Variants in RB1 observed in about 807,000 individuals in gnomAD.
The protein encoded by RB1 is retinoblastoma-associated protein.
Under a neutral mutation model 135.4 loss-of-function variants are expected in RB1, and 18 were observed. The ratio of observed to expected loss-of-function variants is 0.13; its 90% CI spans 0.09 to 0.20. The LOEUF (loss-of-function observed/expected upper bound fraction) is 0.20, where lower values mean the gene tolerates loss of function less well. Ranked by LOEUF, RB1 falls within the 10% of genes least tolerant of loss-of-function variation. RB1 has a pLI of 1.00. For synonymous variants in RB1, 365 were observed against 373.2 expected (o/e 0.98, Z 0.25); for missense variants, 868 against 1,110.0 (o/e 0.78, Z 3.10).
At chr13:48,362,777 A>G in intron 7 of RB1, 38 bp from the exon 8 acceptor site, 1 of 1,584,506 alleles carries the variant, frequency 6.3e-7, no homozygotes. Flanking sequence ...TATATGATGG[A>G]TGTACAATTG....
At chr13:48,311,778 T>C (rs1445512330) in intron 2 of RB1, among the ~76,000 whole-genome samples, 7 of 152,252 alleles carry the variant, frequency 4.6e-5, no homozygotes, top group Non-Finnish European at 8.8e-5. Context: ...CGATCTCGGC[T>C]CACTGCAACC....
In RB1 at chr13:48,319,270, G is replaced by A; in HGVS notation, c.264+11864G>A. On this transcript the variant is annotated intron_variant, in intron 2 of 26. Coordinates refer to ENST00000267163, the MANE Select transcript of RB1 (RefSeq NM_000321.3). The surrounding 1 kb of genome is among the most constrained non-coding windows in gnomAD (Gnocchi z 5.0). Reference sequence around the variant, plus strand: ...AAGGCACTTTTTTGTGGCGCTGCTTGTGCTGTGTGCGGGGTCAGGCGTCCT... The same window carrying A: ...AAGGCACTTTTTTGTGGCGCTGCTTATGCTGTGTGCGGGGTCAGGCGTCCT... 1 of 808,486 alleles carries A rather than the reference G, an allele frequency of 1.2e-6. No homozygotes were observed. The highest frequency in any genetic ancestry group is 2.5e-5 in the Admixed American group (1 of 40,108). 50.1% of individuals were successfully genotyped at this position (808,486 alleles called of 1,614,324 possible).
chr13:48,371,028 C>G (rs1952752724), intron 11 of RB1, among the ~76,000 whole-genome samples: 1 of 152,174 alleles, frequency 6.6e-6, no homozygotes, highest in Non-Finnish European at 1.5e-5. Flanking sequence ...CAATATCACA[C>G]AACACAATGT....
rs533802772 is a variant in RB1 at position 48,333,024 on chromosome 13, G to A, written c.265-9575G>A. 5 of 398,352 alleles carry A rather than the reference G, an allele frequency of 1.3e-5. No individual in the cohort carries two copies. The South Asian group carries it at 3.8e-4, about 30-fold the overall frequency. 24.7% of individuals were successfully genotyped at this position (398,352 alleles called of 1,614,324 possible). On this transcript the variant is annotated intron_variant, in intron 2 of 26. Transcript: ENST00000267163. ...CTGTTTCTCTCAAAATAGGTACTCCGCTCACCTGTTTTCAAACCATGGTTG... is the reference window on the plus strand; with the variant it reads ...CTGTTTCTCTCAAAATAGGTACTCCACTCACCTGTTTTCAAACCATGGTTG...
chr13:48,437,665 C>G (rs1036816646), intron 17 of RB1, among the ~76,000 whole-genome samples: 28 of 152,148 alleles, frequency 1.8e-4, no homozygotes, highest in Admixed American at 3.9e-4. Context: ...TGAGCCTCTC[C>G]GTAGGGCTAC....
At chr13:48,330,703 T>C (rs1449750846) in intron 2 of RB1, among the ~76,000 whole-genome samples, 1 of 152,226 alleles carries the variant, frequency 6.6e-6, no homozygotes, top group African/African-American at 2.4e-5. Context: ...ACCTGATGGC[T>C]TCACTGGTGA....
chr13:48,337,378 A>G (rs1952394932), intron 2 of RB1, among the ~76,000 whole-genome samples: 1 of 152,282 alleles, frequency 6.6e-6, no homozygotes, highest in East Asian at 1.9e-4. Context: ...TTGGGTGCAT[A>G]TATATTTAGG....
intron 6 of RB1, among the ~76,000 whole-genome samples, chr13:48,354,906 C>T (rs560451999): frequency 6.6e-6 from 1 of 152,120 alleles, no homozygotes; most frequent in South Asian, 2.1e-4. Context: ...TCACCATATA[C>T]AAAAATCAAA....
intron 17 of RB1, among the ~76,000 whole-genome samples, chr13:48,395,982 T>C (rs1359544461): frequency 6.6e-6 from 1 of 152,076 alleles, no homozygotes; most frequent in African/African-American, 2.4e-5. Flanking sequence ...CAGCCACTGC[T>C]CAAGGAAATA....
At chr13:48,313,065 T>C (rs1427081490) in intron 2 of RB1, among the ~76,000 whole-genome samples, 2 of 152,148 alleles carry the variant, frequency 1.3e-5, no homozygotes, top group Non-Finnish European at 2.9e-5. Context: ...ATTTTTTATT[T>C]CCATTGTTGG....
intron 6 of RB1, among the ~76,000 whole-genome samples, chr13:48,359,426 C>A (rs146184194): frequency 7.4e-5 from 11 of 148,896 alleles, no homozygotes; most frequent in Non-Finnish European, 1.3e-4. Context: ...GGAATAAAAT[C>A]ATAATTTTAT....
chr13:48,319,234 G>T lies in RB1; in HGVS notation c.264+11828G>T. 2 of 803,840 alleles carry T rather than the reference G, an allele frequency of 2.5e-6. No individual in the cohort carries two copies. Among genetic ancestry groups the T allele is most frequent in the Non-Finnish European group, 1.9e-6 (1 of 534,732 alleles). The allele number at this position is 803,840 out of a possible 1,614,324, so 49.8% of individuals were successfully genotyped here. A position where few individuals can be genotyped will look rare whatever the true frequency, so the allele number is the denominator to read the frequency against. ...TTCCTCTAGCTGGGTGTTTTCCTGT[G>T]GGTCTCGCGCAAGGCACTTTTTTGT... On this transcript the variant is annotated intron_variant, in intron 2 of 26. Coordinates refer to ENST00000267163, the MANE Select transcript of RB1 (RefSeq NM_000321.3). This position sits in a 1 kb window ranked among gnomAD's most constrained non-coding sequence, Gnocchi z 5.0.
At position 48,390,499 on chromosome 13, in the gene RB1, G is replaced by T. The variant is rs148999010; in HGVS notation, c.1695+9056G>T. ...ACTGAAATAAAGACTAATGTCTTCA[G>T]TGCTTGAGGGGAGTAACCAGGAGAC... On this transcript the variant is annotated intron_variant, in intron 17 of 26. Transcript: ENST00000267163. Among the ~76,000 whole-genome samples the T allele has an allele frequency of 2.6e-3, 393 of 152,246 alleles. 1 individual carries two copies. The highest frequency in any genetic ancestry group is 9.0e-3 in the African/African-American group (374 of 41,554).
intron 2 of RB1, among the ~76,000 whole-genome samples, chr13:48,311,582 G>A (rs1952130927): frequency 6.9e-6 from 1 of 143,950 alleles, no homozygotes; most frequent in Non-Finnish European, 1.6e-5. Flanking sequence ...AAAAGGTACA[G>A]TAGATCATCC....
chr13:48,339,186 A>G (rs1037904683), intron 2 of RB1, among the ~76,000 whole-genome samples: 4 of 152,176 alleles, frequency 2.6e-5, no homozygotes, highest in Non-Finnish European at 5.9e-5. Flanking sequence ...GAGAACCACT[A>G]CGCTCTTCAA....
intron 2 of RB1, chr13:48,318,622 C>T (rs1299465047): frequency 4.9e-6 from 3 of 608,898 alleles, no homozygotes; most frequent in African/African-American, 1.9e-5. Context: ...TGGCTGTGGT[C>T]GGCATCCTGG....
At chr13:48,334,287 G>A (rs954386144) in intron 2 of RB1, among the ~76,000 whole-genome samples, 1 of 152,096 alleles carries the variant, frequency 6.6e-6, no homozygotes, top group Non-Finnish European at 1.5e-5. Flanking sequence ...TTACTTCTGT[G>A]CACATCCAAG....
chr13:48,462,200 T>G (rs1375185942), intron 20 of RB1, among the ~76,000 whole-genome samples: 2 of 151,850 alleles, frequency 1.3e-5, no homozygotes, highest in African/African-American at 4.8e-5. Flanking sequence ...CACAGCTCAC[T>G]GCAGCCTCGA....
At chr13:48,347,895 T>A in intron 5 of RB1, 32 bp downstream of exon 5, 1 of 1,506,408 alleles carries the variant, frequency 6.6e-7, no homozygotes, top group South Asian at 1.2e-5. Context: ...ATTTTTCACT[T>A]AAAAAAAAAG....
Sources: gnomAD v4.1 joint callset for allele counts (sites outside exome capture counted in the v4.1 genomes callset) on GRCh38, gnomAD v4.1.1 for gene constraint, Gnocchi (gnomAD v3.1) non-coding constraint, MANE v1.5 for transcripts, NCBI Gene and HGNC (gene_info 2026-07-23, HGNC 2026-07-21) for gene names.